The following TACC3 variants were observed in gnomAD, a reference collection of about 807,000 sequenced individuals.
The protein encoded by TACC3 is transforming acidic coiled-coil-containing protein 3.
In TACC3, 52 loss-of-function variants were observed where a neutral mutation model predicts 86.0. The observed-to-expected ratio is 0.60, with a 90% CI of 0.48 to 0.76. TACC3 has a LOEUF of 0.76. Among genes scored for constraint, TACC3 ranks in the 30% least tolerant of loss-of-function variants. TACC3 has a pLI of 0.00. For missense variants in TACC3, 1,120 were observed against 1,070.4 expected, an observed-to-expected ratio of 1.05 and a Z score of -0.65; for synonymous variants, 512 against 430.0, an observed-to-expected ratio of 1.19 and a Z score of -2.36.
In TACC3 at chr4:1,733,584, G is replaced by C. The variant is rs1302530711; in HGVS notation, c.1592-1689G>C. Reference sequence around the variant, plus strand: ...TGAGATGGGAGGCTCGCTTGAGCCAGGAGGTCAAGGCTGCAGTGAGCCATG... The same window carrying C: ...TGAGATGGGAGGCTCGCTTGAGCCACGAGGTCAAGGCTGCAGTGAGCCATG... On this transcript the variant is annotated intron_variant, in intron 6 of 15. Coordinates refer to ENST00000313288, the MANE Select transcript of TACC3 (RefSeq NM_006342.3). 4.6e-5 allele frequency among the ~76,000 whole-genome samples: 7 copies of C among 152,288 alleles called. No homozygotes were observed. In the East Asian group the frequency reaches 1.4e-3, roughly 29 times the overall value.
At chr4:1,720,730 C>T (rs986530686), upstream of TACC3, 1 of 1,568,690 alleles carries the variant, frequency 6.4e-7, no homozygotes, top group Non-Finnish European at 8.6e-7. The surrounding 1 kb of genome is among the most constrained non-coding windows in gnomAD (Gnocchi z 4.4). Context: ...AGCCCGACAG[C>T]AGGTTCTGCA....
intron 6 of TACC3, among the ~76,000 whole-genome samples, chr4:1,733,839 G>A (rs1418817592): frequency 6.6e-6 from 1 of 152,086 alleles, no homozygotes; most frequent in Non-Finnish European, 1.5e-5. Context: ...TTAGCTGGGT[G>A]TGTTGGCACA....
intron 4 of TACC3, among the ~76,000 whole-genome samples, chr4:1,729,573 G>A (rs1435018973): frequency 1.3e-5 from 2 of 152,166 alleles, no homozygotes; most frequent in South Asian, 2.1e-4. Flanking sequence ...GACAGCTGAC[G>A]CCATTATTTT....
chr4:1,741,155 A>G lies in TACC3; in HGVS notation c.2223+169A>G, dbSNP rs1186827515. ...CGAGACAGGGTGCAGGAGTCACAGC[A>G]TAGCTGGTTTGCGAGGCAGCTGAGG... On this transcript the variant is annotated intron_variant, in intron 13 of 15. Transcript: ENST00000313288. 4.9e-6 allele frequency: 3 copies of G among 609,232 alleles called. No individual in the cohort carries two copies. The African/African-American group carries it at 5.7e-5, about 12-fold the overall frequency. 37.7% of individuals were successfully genotyped at this position (609,232 alleles called of 1,614,324 possible).
chr4:1,741,208 G>A (rs1718582173), intron 13 of TACC3: 3 of 453,270 alleles, frequency 6.6e-6, no homozygotes, highest in African/African-American at 4.0e-5. Flanking sequence ...GAGCAGGGAG[G>A]CCATCTGAGC....
intron 4 of TACC3, chr4:1,730,684 G>T (rs763350645): frequency 1.4e-6 from 1 of 718,108 alleles, no homozygotes; most frequent in Non-Finnish European, 2.5e-6. Flanking sequence ...GGCAAGGCGC[G>T]TGTTTTCCTG....
At chr4:1,737,731 A>G in intron 10 of TACC3, 29 bp downstream of exon 10, 1 of 1,542,676 alleles carries the variant, frequency 6.5e-7, no homozygotes. Context: ...GCTATTCCAC[A>G]GAACCTGCAG....
chr4:1,741,255 C>T (rs1718585847), intron 13 of TACC3: 2 of 327,806 alleles, frequency 6.1e-6, no homozygotes, highest in East Asian at 1.1e-4. Context: ...CGGCTATGAT[C>T]AGGCATCTGT....
chr4:1,724,862 A>G (rs1365638961), intron 3 of TACC3, among the ~76,000 whole-genome samples: 2 of 151,580 alleles, frequency 1.3e-5, no homozygotes, highest in Non-Finnish European at 2.9e-5. Flanking sequence ...CCTGGGCTCA[A>G]GCAGTCCTCC....
At chr4:1,733,202 C>G (rs556731776) in intron 6 of TACC3, among the ~76,000 whole-genome samples, 1 of 152,188 alleles carries the variant, frequency 6.6e-6, no homozygotes, top group Non-Finnish European at 1.5e-5. Flanking sequence ...TTTATGTGCT[C>G]GTTGGATATC....
chr4:1,738,829 C>A (rs924898878), intron 10 of TACC3, among the ~76,000 whole-genome samples: 1 of 151,686 alleles, frequency 6.6e-6, no homozygotes, highest in East Asian at 1.9e-4. Context: ...AGTAGTTTGA[C>A]GGGAAGGACG....
chr4:1,720,686 A>T, upstream of TACC3: 1 of 1,552,022 alleles, frequency 6.4e-7, no homozygotes, highest in East Asian at 2.4e-5. The surrounding 1 kb of genome is among the most constrained non-coding windows in gnomAD (Gnocchi z 4.4). Flanking sequence ...GCGCAAGTGG[A>T]AGGGCACGAA....
At chr4:1,725,166 A>G (rs577606670) in intron 3 of TACC3, among the ~76,000 whole-genome samples, 1 of 151,488 alleles carries the variant, frequency 6.6e-6, no homozygotes, top group Admixed American at 6.6e-5. Context: ...TCCCGACCTC[A>G]GGTGATCTGC....
intron 3 of TACC3, 87 bp from the exon 4 acceptor site, chr4:1,727,619 AAT>A (rs372630502): frequency 1.3e-6 from 2 of 1,513,464 alleles, no homozygotes; most frequent in Non-Finnish European, 1.8e-6. Context: ...CTGGTGTGAG[AAT>A]GTTAAACCTA....
rs565811505 is a variant in TACC3 at position 1,725,174 on chromosome 4, T to C, written c.305+1304T>C. 1.3e-4 allele frequency among the ~76,000 whole-genome samples: 19 copies of C among 151,664 alleles called. No homozygotes were observed. In the South Asian group the frequency reaches 4.0e-3, roughly 32 times the overall value. On this transcript the variant is annotated intron_variant, in intron 3 of 15. Coordinates refer to ENST00000313288, the MANE Select transcript of TACC3 (RefSeq NM_006342.3). The stretch of plus-strand genomic sequence containing the variant: ...CTTGAACTCCCGACCTCAGGTGATC[T>C]GCCGGCCTCGGCCTCCCAAAGTGCT...
chr4:1,730,362 A>G (rs1717941459), intron 4 of TACC3: 1 of 226,162 alleles, frequency 4.4e-6, no homozygotes, highest in Non-Finnish European at 9.1e-6. Context: ...TTGTAGAACA[A>G]AGATTATTAT....
chr4:1,731,279 G>A lies in TACC3; in HGVS notation c.1569G>A (p.Glu523=), dbSNP rs781526239. 2 of 1,613,210 alleles carry A rather than the reference G, an allele frequency of 1.2e-6. No individual in the cohort carries two copies. The highest frequency in any genetic ancestry group is 1.7e-6 in the Non-Finnish European group (2 of 1,180,030). Residue 523 remains glutamate (E), a synonymous_variant, in exon 6 of 16, where the codon GAG becomes GAA. Coordinates refer to ENST00000313288, the MANE Select transcript of TACC3 (RefSeq NM_006342.3). ...AGCCTGCCTTGGAGCTGAAAGAGGA[G>A]AGCTTCAGAGACCCCGCTGAGGGTA... ...QGQPALELKE[E]SFRDPAEVLG...
intron 3 of TACC3, among the ~76,000 whole-genome samples, chr4:1,724,425 C>T (rs1175588046): frequency 3.3e-5 from 4 of 120,144 alleles, no homozygotes; most frequent in Admixed American, 1.0e-4. Context: ...GAGTCTGGCT[C>T]TGTCACCCAG....
rs767170101 is a variant in TACC3 at position 1,727,963 on chromosome 4, T to A, written c.561T>A (p.Ser187Arg). The change falls in exon 4 of 16, where the codon AGT (serine) becomes AGA (arginine). Residue 187 changes from serine (S) to arginine (R), a missense_variant. Physicochemically the swap from Ser to Arg is moderately radical, Grantham distance 110 (BLOSUM62 -1). Coordinates refer to ENST00000313288, the MANE Select transcript of TACC3 (RefSeq NM_006342.3). ...AGCAAGCCGTGGAGGAAAACCTTAG[T>A]TCCTATTCCTTAGACAGAAGAGTGA... ...SPEQAVEENL[S>R]SYSLDRRVTP... 1 of 1,613,568 alleles carries A rather than the reference T, an allele frequency of 6.2e-7. No individual in the cohort carries two copies. Among genetic ancestry groups the A allele is most frequent in the Admixed American group, 1.7e-5 (1 of 60,036 alleles).
Sources: gnomAD v4.1 joint callset for allele counts (sites outside exome capture counted in the v4.1 genomes callset) on GRCh38, gnomAD v4.1.1 for gene constraint, Gnocchi (gnomAD v3.1) non-coding constraint, MANE v1.5 for transcripts, NCBI Gene and HGNC (gene_info 2026-07-23, HGNC 2026-07-21) for gene names.